DRC9: variants seen among roughly 807,000 people sequenced by gnomAD.
The protein encoded by DRC9 is dynein regulatory complex protein 9.
chr3:197,913,218 C>G, the DRC9 span: 15 of 182,414 alleles, frequency 8.2e-5, no homozygotes, highest in Non-Finnish European at 2.3e-5. Flanking sequence ...AGAAGGGAGT[C>G]TCCCTAGTTG....
the DRC9 span, among the ~76,000 whole-genome samples, chr3:197,892,224 G>A: frequency 6.6e-6 from 1 of 152,134 alleles, no homozygotes; most frequent in East Asian, 1.9e-4. Context: ...AGGAAGTTCT[G>A]CATTTATTCC....
the DRC9 span, chr3:197,957,458 G>GTTT: frequency 4.6e-5 from 6 of 129,864 alleles, no homozygotes; most frequent in Non-Finnish European, 6.4e-5. Context: ...GATTGTGGTG[G>GTTT]TTTTTTTTTT....
chr3:197,889,483 G>C, the DRC9 span: 1 of 1,383,166 alleles, frequency 7.2e-7, no homozygotes, highest in South Asian at 1.2e-5. Context: ...GAAACAACCT[G>C]TAGATGAGTC....
At chr3:197,951,079 A>G in the DRC9 span, 1 of 1,604,656 alleles carries the variant, frequency 6.2e-7, no homozygotes. Context: ...TGCTCTGAGT[A>G]ACTTTTGGGT....
the DRC9 span, among the ~76,000 whole-genome samples, chr3:197,946,390 G>C: frequency 2.1e-5 from 3 of 144,468 alleles, no homozygotes; most frequent in Non-Finnish European, 3.0e-5. Context: ...AGCCGAGATC[G>C]CGCCACTGCA....
At chr3:197,905,180 C>T in the DRC9 span, among the ~76,000 whole-genome samples, 5 of 151,950 alleles carry the variant, frequency 3.3e-5, no homozygotes, top group East Asian at 7.7e-4. Context: ...CAAAACAGGG[C>T]GACCATAGTC....
the DRC9 span, among the ~76,000 whole-genome samples, chr3:197,940,962 T>G: frequency 6.6e-6 from 1 of 152,200 alleles, no homozygotes; most frequent in Non-Finnish European, 1.5e-5. Context: ...TGCAAAAGTT[T>G]CATTCATTTA....
the DRC9 span, among the ~76,000 whole-genome samples, chr3:197,941,310 C>CCCT: frequency 0.095 from 9,675 of 101,352 alleles, 1,362 homozygotes; most frequent in African/African-American, 0.21. Flanking sequence ...CTCCCTCCTT[C>CCCT]CCTTTCTTCC....
At chr3:197,951,450 T>TCAAG in the DRC9 span, 1 of 897,528 alleles carries the variant, frequency 1.1e-6, no homozygotes, top group Non-Finnish European at 1.8e-6. Context: ...CCTCCCGGGT[T>TCAAG]CAAGCAAGTG....
the DRC9 span, chr3:197,945,823 C>A: frequency 1.8e-5 from 10 of 552,340 alleles, no homozygotes; most frequent in Non-Finnish European, 3.2e-5. Flanking sequence ...CGGAGTGGAG[C>A]AGTCCCAGAG....
the DRC9 span, among the ~76,000 whole-genome samples, chr3:197,937,457 TTTTTC>T: frequency 2.0e-4 from 31 of 151,916 alleles, no homozygotes; most frequent in African/African-American, 5.8e-4. Context: ...TATCACGGTC[TTTTTC>T]TTTTCTCTTT....
the DRC9 span, among the ~76,000 whole-genome samples, chr3:197,952,091 CT>C: frequency 6.7e-6 from 1 of 149,594 alleles, no homozygotes; most frequent in Non-Finnish European, 1.5e-5. Context: ...TTCTCGGCTC[CT>C]TTTGCCAGAA....
chr3:197,956,370 T>C, the DRC9 span: 8 of 155,272 alleles, frequency 5.2e-5, no homozygotes, highest in African/African-American at 1.9e-4. Context: ...GAGAAGCTCT[T>C]GGGACTTGTG....
the DRC9 span, chr3:197,943,728 G>T: frequency 6.7e-7 from 1 of 1,483,190 alleles, no homozygotes; most frequent in Non-Finnish European, 9.3e-7. Context: ...TATAAATGAG[G>T]GAGAAATAAA....
At chr3:197,932,257 T>G in the DRC9 span, 1 of 1,613,174 alleles carries the variant, frequency 6.2e-7, no homozygotes, top group South Asian at 1.1e-5. Context: ...TGGCCGAATC[T>G]TGCAACTCCT....
the DRC9 span, among the ~76,000 whole-genome samples, chr3:197,914,392 T>C: frequency 6.6e-6 from 1 of 152,312 alleles, no homozygotes; most frequent in South Asian, 2.1e-4. Flanking sequence ...TGTGTGAACT[T>C]GGCCAAGTCA....
At chr3:197,951,649 G>C in the DRC9 span, 1 of 319,058 alleles carries the variant, frequency 3.1e-6, no homozygotes, top group South Asian at 3.0e-5. Context: ...CACCGCGCCT[G>C]GCCTCATTAT....
chr3:197,914,193 A>G, the DRC9 span: 1 of 696,322 alleles, frequency 1.4e-6, no homozygotes. Flanking sequence ...TTAGCCAACA[A>G]TCATGAAGTG....
the DRC9 span, among the ~76,000 whole-genome samples, chr3:197,891,839 T>G: frequency 1.3e-5 from 2 of 152,230 alleles, no homozygotes; most frequent in Non-Finnish European, 2.9e-5. Flanking sequence ...GGATTGTTTT[T>G]TAAACTTTGG....
Sources: allele counts gnomAD v4.1 joint callset (sites outside exome capture counted in the v4.1 genomes callset), GRCh38; gene constraint gnomAD v4.1.1; transcripts MANE v1.5; gene names NCBI Gene and HGNC (gene_info 2026-07-23, HGNC 2026-07-21).